The following GRB10 variants were observed in gnomAD, a reference collection of about 807,000 sequenced individuals.
GRB10 encodes growth factor receptor bound protein 10.
In GRB10, 20 loss-of-function variants were observed where a neutral mutation model predicts 80.9. The observed-to-expected ratio is 0.25, with a 90% CI of 0.17 to 0.36. The LOEUF is 0.36. Ranked by LOEUF, GRB10 falls within the 10% of genes least tolerant of loss-of-function variation. The pLI, the probability that GRB10 is intolerant of heterozygous loss-of-function variation, is 1.00. For missense variants in GRB10, 548 were observed against 747.7 expected, an observed-to-expected ratio of 0.73 and a Z score of 3.12; for synonymous variants, 291 against 291.5, an observed-to-expected ratio of 1.00 and a Z score of 0.02.
At chr7:50,642,507 T>C (rs765340324) in intron 7 of GRB10, among the ~76,000 whole-genome samples, 2 of 152,178 alleles carry the variant, frequency 1.3e-5, no homozygotes, top group Non-Finnish European at 1.5e-5. Flanking sequence ...TAAATATATA[T>C]ACACATACAT....
chr7:50,683,734 C>G (rs2153651421), intron 5 of GRB10, among the ~76,000 whole-genome samples: 1 of 151,200 alleles, frequency 6.6e-6, no homozygotes, highest in South Asian at 2.1e-4. Flanking sequence ...GAGACTCCAT[C>G]TCAAAAAAAA....
chr7:50,732,402 AG>A, intron 3 of GRB10, 34 bp from the exon 4 acceptor site: 39 of 1,229,434 alleles, frequency 3.2e-5, no homozygotes, highest in Admixed American at 1.1e-4. Flanking sequence ...AAGCCAAGCC[AG>A]AAAAAAAAAA....
At chr7:50,699,048 G>A (rs986726349) in intron 5 of GRB10, among the ~76,000 whole-genome samples, 8 of 152,196 alleles carry the variant, frequency 5.3e-5, no homozygotes, top group African/African-American at 1.9e-4. Flanking sequence ...TATTATAAGT[G>A]GGATTTCTTT....
At chr7:50,785,370 C>T (rs1265150165), upstream of GRB10, among the ~76,000 whole-genome samples, 4 of 152,216 alleles carry the variant, frequency 2.6e-5, no homozygotes, top group Non-Finnish European at 5.9e-5. Context: ...CCTCCCTGGG[C>T]CCTGTCCACA....
At chr7:50,678,595 C>T (rs1048671049) in intron 5 of GRB10, among the ~76,000 whole-genome samples, 7 of 152,108 alleles carry the variant, frequency 4.6e-5, no homozygotes, top group East Asian at 1.9e-4. Flanking sequence ...TAACGAAGAG[C>T]GACAGTTAAA....
At chr7:50,679,725 G>A (rs1460840625) in intron 5 of GRB10, among the ~76,000 whole-genome samples, 1 of 152,136 alleles carries the variant, frequency 6.6e-6, no homozygotes, top group East Asian at 1.9e-4. Context: ...AGCAGATTCA[G>A]TCCCTAAGAA....
intron 6 of GRB10, among the ~76,000 whole-genome samples, chr7:50,673,890 G>A (rs886172811): frequency 6.6e-6 from 1 of 152,158 alleles, no homozygotes; most frequent in Non-Finnish European, 1.5e-5. Context: ...CATCCGTTCA[G>A]AAATCCTACC....
At chr7:50,724,472 C>T (rs895726925) in intron 4 of GRB10, among the ~76,000 whole-genome samples, 3 of 152,144 alleles carry the variant, frequency 2.0e-5, no homozygotes, top group Non-Finnish European at 2.9e-5. Flanking sequence ...ATAAACACGA[C>T]CTGGGACACA....
chr7:50,726,730 G>A (rs900503992), intron 4 of GRB10, among the ~76,000 whole-genome samples: 4 of 152,138 alleles, frequency 2.6e-5, no homozygotes, highest in African/African-American at 7.2e-5. Flanking sequence ...AAAAGCTGTT[G>A]TTAAAACTGA....
intron 7 of GRB10, among the ~76,000 whole-genome samples, chr7:50,639,451 G>A (rs1389959444): frequency 1.3e-5 from 2 of 152,076 alleles, no homozygotes; most frequent in Non-Finnish European, 2.9e-5. Flanking sequence ...CGAAGTGGGC[G>A]GATCACAAGG....
Position 50,626,975 on chromosome 7 carries a change from C to A in GRB10, c.508G>T (p.Val170Phe). ...PPSQAAAKQD[V>F]KVFSEDGTSK... ...GTCCCATCTTCACTAAAGACTTTAA[C>A]ATCCTGCAACACACAAAGGGGATAG... The change falls in exon 8 of 19, where the codon GTT becomes TTT. Residue 170 changes from valine to phenylalanine, a missense_variant. This residue lies in a region of GRB10 where 245 missense variants were observed against 229.3 expected (regional missense o/e 1.07). Transcript: ENST00000401949. The A allele has an allele frequency of 1.2e-6, 2 of 1,614,154 alleles. No homozygotes were observed. The highest frequency in any genetic ancestry group is 1.7e-6 in the Non-Finnish European group (2 of 1,180,010).
intron 7 of GRB10, among the ~76,000 whole-genome samples, chr7:50,640,222 G>A (rs2055973803): frequency 6.6e-6 from 1 of 152,218 alleles, no homozygotes; most frequent in Non-Finnish European, 1.5e-5. Context: ...TTTCACACAT[G>A]ACTCCTTGTT....
At chr7:50,781,729 G>A (rs2078298624) in intron 1 of GRB10, among the ~76,000 whole-genome samples, 2 of 152,212 alleles carry the variant, frequency 1.3e-5, no homozygotes, top group Admixed American at 6.5e-5. Flanking sequence ...GTGTGGAACA[G>A]GTGATCCGAT....
intron 4 of GRB10, among the ~76,000 whole-genome samples, chr7:50,718,064 T>C (rs2067160474): frequency 6.6e-6 from 1 of 152,122 alleles, no homozygotes; most frequent in Non-Finnish European, 1.5e-5. Flanking sequence ...CCCAGACAAT[T>C]CCAGCCCACT....
At chr7:50,694,634 CCA>C (rs2063225497) in intron 5 of GRB10, among the ~76,000 whole-genome samples, 1 of 152,108 alleles carries the variant, frequency 6.6e-6, no homozygotes, top group African/African-American at 2.4e-5. Flanking sequence ...CCTCACCTAC[CCA>C]CAGGCTGGCA....
At chr7:50,662,689 G>A (rs1333635840) in intron 7 of GRB10, among the ~76,000 whole-genome samples, 1 of 152,214 alleles carries the variant, frequency 6.6e-6, no homozygotes, top group Non-Finnish European at 1.5e-5. Context: ...TTCACCATAT[G>A]AAAATAGTCT....
At chr7:50,698,911 C>G (rs534134341) in intron 5 of GRB10, among the ~76,000 whole-genome samples, 2 of 152,350 alleles carry the variant, frequency 1.3e-5, no homozygotes, top group East Asian at 3.9e-4. Flanking sequence ...GCACTATATT[C>G]TGTCTCCTGA....
intron 8 of GRB10, among the ~76,000 whole-genome samples, chr7:50,623,579 T>C (rs149184844): frequency 2.0e-5 from 3 of 152,286 alleles, no homozygotes; most frequent in Non-Finnish European, 4.4e-5. Flanking sequence ...GTGACCAGCA[T>C]CTCAGAGGAG....
intron 5 of GRB10, among the ~76,000 whole-genome samples, chr7:50,691,985 G>A (rs2062867556): frequency 6.6e-6 from 1 of 152,164 alleles, no homozygotes; most frequent in African/African-American, 2.4e-5. Flanking sequence ...CACAGATACA[G>A]TTAGCCCCCC....
Sources: gnomAD v4.1 joint callset for allele counts (sites outside exome capture counted in the v4.1 genomes callset) on GRCh38, gnomAD v4.1.1 for gene constraint, gnomAD v4.1.1 regional missense constraint, MANE v1.5 for transcripts, NCBI Gene and HGNC (gene_info 2026-07-23, HGNC 2026-07-21) for gene names.